Variants in HK1 observed in about 807,000 individuals in gnomAD.
HK1 encodes the protein hexokinase 1.
Under a neutral mutation model 91.6 loss-of-function variants are expected in HK1, and 28 were observed. That is an observed-to-expected ratio of 0.31 (90% confidence interval 0.23 to 0.42). The LOEUF (loss-of-function observed/expected upper bound fraction) is 0.42, where lower values mean the gene tolerates loss of function less well. HK1 is among the 10% of genes least tolerant of loss of function. The pLI is 1.00. For synonymous variants in HK1, 430 were observed against 468.1 expected (o/e 0.92, Z 1.05); for missense variants, 770 against 1,219.8 (o/e 0.63, Z 5.49).
intron 1 of HK1, 115 bp from the exon 2 acceptor site, chr10:69,343,712 T>C (rs1348330153): frequency 1.2e-6 from 1 of 805,580 alleles, no homozygotes; most frequent in Non-Finnish European, 2.2e-6. Flanking sequence ...CCATGCGATG[T>C]GCCAGCGTGC....
Position 69,318,898 on chromosome 10 carries a change from G to T in HK1, c.-50G>T. On this transcript the variant is annotated 5_prime_UTR_variant, in exon 1 of 18. Coordinates refer to ENST00000359426, the MANE Select transcript of HK1 (RefSeq NM_000188.3). The stretch of plus-strand genomic sequence containing the variant: ...GAGGACCACGGCTCGCCAGGGCTGC[G>T]GAGGACCGACCGTCCCCACGCCTGC... 6.4e-7 allele frequency: 1 copy of T among 1,550,774 alleles called. No individual in the cohort carries two copies. Among genetic ancestry groups the T allele is most frequent in the Non-Finnish European group, 8.7e-7 (1 of 1,149,748 alleles).
At chr10:69,312,546 C>CTT (rs1564502629), upstream of HK1, among the ~76,000 whole-genome samples, 165 of 151,306 alleles carry the variant, frequency 1.1e-3, no homozygotes, top group African/African-American at 3.8e-3. Flanking sequence ...GCCATATAGC[C>CTT]CTTTTTTTTT....
upstream of HK1, chr10:69,315,969 C>T (rs1332598826): frequency 4.3e-6 from 7 of 1,614,088 alleles, no homozygotes; most frequent in African/African-American, 1.3e-5. Flanking sequence ...ACTGTGAGCA[C>T]AGCCTGAGTT....
At chr10:69,303,076 T>C (rs901027304) in intron 5 of HK1, among the ~76,000 whole-genome samples, 2 of 152,128 alleles carry the variant, frequency 1.3e-5, no homozygotes, top group Non-Finnish European at 2.9e-5. Flanking sequence ...GTTCAACGTG[T>C]GTATCAGTTA....
At chr10:69,400,598 G>A (rs1009939293) in intron 17 of HK1, among the ~76,000 whole-genome samples, 5 of 152,174 alleles carry the variant, frequency 3.3e-5, no homozygotes, top group Non-Finnish European at 5.9e-5. Context: ...AGGTCCCCCT[G>A]GAGCCTCAAG....
chr10:69,293,182 T>C (rs1845375541), intron 3 of HK1, among the ~76,000 whole-genome samples: 1 of 152,236 alleles, frequency 6.6e-6, no homozygotes, highest in African/African-American at 2.4e-5. Context: ...GTTTATCAAC[T>C]CTGTGCTCCT....
chr10:69,287,061 T>C (rs1048648035), intron 2 of HK1, among the ~76,000 whole-genome samples: 8 of 151,966 alleles, frequency 5.3e-5, no homozygotes, highest in African/African-American at 1.9e-4. Context: ...CCCTCAATTA[T>C]GTCATAATAA....
chr10:69,309,524 C>G (rs1212820410), intron 5 of HK1, among the ~76,000 whole-genome samples: 1 of 121,532 alleles, frequency 8.2e-6, no homozygotes, highest in African/African-American at 3.8e-5. Flanking sequence ...AAAAAAAAAG[C>G]CGCGAGGTGG....
At position 69,369,126 on chromosome 10, in the gene HK1, C is replaced by T; in HGVS notation, c.592-111C>T. ...CAGCTGTAATGAAACCAGTACCACT[C>T]ACAAAAGCAGGGGTTCTGAAAACGG... On this transcript the variant is annotated intron_variant, in intron 5 of 17. Coordinates refer to ENST00000359426, the MANE Select transcript of HK1 (RefSeq NM_000188.3). This position sits in a 1 kb window ranked among gnomAD's most constrained non-coding sequence, Gnocchi z 4.4. 1 of 779,802 alleles carries T rather than the reference C, an allele frequency of 1.3e-6. No homozygotes were observed. Among genetic ancestry groups the T allele is most frequent in the Non-Finnish European group, 2.3e-6 (1 of 440,688 alleles). The allele number at this position is 779,802 out of a possible 1,614,324, so 48.3% of individuals were successfully genotyped here. A position where few individuals can be genotyped will look rare whatever the true frequency, so the allele number is the denominator to read the frequency against.
chr10:69,324,385 G>A (rs1178766140), intron 1 of HK1, among the ~76,000 whole-genome samples: 1 of 151,974 alleles, frequency 6.6e-6, no homozygotes, highest in Non-Finnish European at 1.5e-5. Context: ...GAGGTCAGGA[G>A]GTCGAGACCA....
upstream of HK1, among the ~76,000 whole-genome samples, chr10:69,317,123 C>T (rs945255183): frequency 6.6e-6 from 1 of 152,214 alleles, no homozygotes; most frequent in Non-Finnish European, 1.5e-5. Context: ...GCTAGGCCCT[C>T]CCAGGGCCTA....
Position 69,381,352 on chromosome 10 carries a change from T to C in HK1, c.1266-1135T>C, listed in dbSNP as rs115344378. Among the ~76,000 whole-genome samples, 1,298 of 152,276 alleles carry C rather than the reference T, an allele frequency of 8.5e-3. 11 individuals carry two copies. Among genetic ancestry groups the C allele is most frequent in the African/African-American group, 0.03 (1,227 of 41,546 alleles). On this transcript the variant is annotated intron_variant, in intron 9 of 17. Coordinates refer to ENST00000359426, the MANE Select transcript of HK1 (RefSeq NM_000188.3). ...GATAGGGTTTGAGCCAAGGACGTAA[T>C]TGTATTTTTAAAATATTTTTAAAGT...
exon 2 of HK1, chr10:69,282,700 C>T (rs980089087): frequency 3.3e-5 from 5 of 152,118 alleles, no homozygotes; most frequent in African/African-American, 1.2e-4. Flanking sequence ...GAAGAACAAG[C>T]AAAGGTGTCT....
intron 5 of HK1, among the ~76,000 whole-genome samples, chr10:69,304,275 ATTATTTATTTAT>A (rs141139312): frequency 0.099 from 14,180 of 143,376 alleles, 1,144 homozygotes; most frequent in East Asian, 0.47. Flanking sequence ...TTTTATTTTT[ATTATTTATTTAT>A]TTATTTATTT....
chr10:69,275,030 C>T (rs1844363801), intron 1 of HK1, among the ~76,000 whole-genome samples: 1 of 152,034 alleles, frequency 6.6e-6, no homozygotes, highest in African/African-American at 2.4e-5. Context: ...TTCCAGCCTT[C>T]CAGTATCTCT....
rs746738585 is a variant in HK1, at chr10:69,369,251, C to T, written c.606C>T (p.Asn202=). The T allele has an allele frequency of 6.2e-7, 1 of 1,613,780 alleles. No homozygotes were observed. Among genetic ancestry groups the T allele is most frequent in the East Asian group, 2.2e-5 (1 of 44,904 alleles). The stretch of plus-strand genomic sequence containing the variant: ...TCTGTCCCCAGGACTATGATGCCAA[C>T]ATCGTAGCTGTGGTGAATGACACAG... The part of the protein sequence containing the change: ...AIKKRGDYDA[N]IVAVVNDTVG... Residue 202 remains asparagine, a synonymous_variant, in exon 6 of 18, where the codon AAC becomes AAT. Transcript: ENST00000359426. The surrounding 1 kb of genome is among the most constrained non-coding windows in gnomAD (Gnocchi z 4.4).
intron 2 of HK1, among the ~76,000 whole-genome samples, chr10:69,288,233 T>C (rs933891467): frequency 2.0e-5 from 3 of 152,156 alleles, no homozygotes; most frequent in African/African-American, 7.2e-5. Context: ...TTGGACATAG[T>C]CATAAGCAGA....
chr10:69,333,789 C>T (rs908322471), intron 1 of HK1, among the ~76,000 whole-genome samples: 5 of 152,168 alleles, frequency 3.3e-5, no homozygotes, highest in African/African-American at 1.2e-4. Context: ...TCCACATTCA[C>T]GTTGCTAGAA....
intron 1 of HK1, among the ~76,000 whole-genome samples, chr10:69,341,469 AT>A (rs748689808): frequency 0.01 from 1,427 of 141,932 alleles, 13 homozygotes; most frequent in African/African-American, 0.029. Flanking sequence ...CCAATTGTTA[AT>A]TTTTTTTTTT....
Sources: gnomAD v4.1 joint callset for allele counts (sites outside exome capture counted in the v4.1 genomes callset) on GRCh38, gnomAD v4.1.1 for gene constraint, Gnocchi (gnomAD v3.1) non-coding constraint, MANE v1.5 for transcripts, NCBI Gene and HGNC (gene_info 2026-07-23, HGNC 2026-07-21) for gene names.